NRXN1: variants seen among roughly 807,000 people sequenced by gnomAD.
NRXN1 encodes neurexin 1.
Under a neutral mutation model 150.9 loss-of-function variants are expected in NRXN1, and 39 were observed. The observed-to-expected ratio is 0.26, with a 90% CI of 0.20 to 0.34. NRXN1 has a LOEUF of 0.34. Ranked by LOEUF, NRXN1 falls within the 10% of genes least tolerant of loss-of-function variation. NRXN1 has a pLI of 1.00. For missense variants in NRXN1, 1,815 were observed against 1,949.9 expected (o/e 0.93, Z 1.30); for synonymous variants, 924 against 757.0 (o/e 1.22, Z -3.62).
chr2:50,521,234 C>T (rs937654693), intron 12 of NRXN1, among the ~76,000 whole-genome samples: 3 of 152,078 alleles, frequency 2.0e-5, no homozygotes, highest in Admixed American at 2.0e-4. Flanking sequence ...GCAATTTTAA[C>T]CATAACATTT....
At position 50,538,496 on chromosome 2, in the gene NRXN1, C is replaced by A. The variant is rs957137776; in HGVS notation, c.1900G>T (p.Ala634Ser). ...GLVFPTEVWT[A>S]LLNYGYVGCI... ...CCCACGTAGCCATAGTTGAGCAGAG[C>A]AGTCCACACCTCGGTGGGGAAGACA... Residue 634 changes from alanine to serine, a missense_variant, in exon 10 of 23, where the codon GCT becomes TCT. By Grantham distance (99) the Ala-to-Ser change is moderately conservative (BLOSUM62 1). Transcript: ENST00000401669. The A allele has an allele frequency of 1.2e-6, 2 of 1,610,246 alleles. No homozygotes were observed. Among genetic ancestry groups the A allele is most frequent in the Non-Finnish European group, 1.7e-6 (2 of 1,176,946 alleles).
chr2:50,733,853 G>A lies in NRXN1; in HGVS notation c.833-110238C>T, dbSNP rs181951194. On this transcript the variant is annotated intron_variant, in intron 5 of 22. Transcript: ENST00000401669. ...CAAAGATTATAGTTTTAATCTGTAC[G>A]TAAAATGTATTTTTTAAATCTTCTA... Among the ~76,000 whole-genome samples the A allele has an allele frequency of 2.7e-4, 41 of 152,200 alleles. No individual in the cohort carries two copies. In the East Asian group the frequency reaches 4.8e-3, roughly 18 times the overall value.
In NRXN1 at chr2:50,700,992, A is replaced by C. The variant is rs570823082; in HGVS notation, c.833-77377T>G. On this transcript the variant is annotated intron_variant, in intron 5 of 22. Transcript: ENST00000401669. The stretch of plus-strand genomic sequence containing the variant: ...GGGATCAAGATTTTTAAAATCTCTT[A>C]AATTGTCCGAAGGGTGCTTCTTCCA... Among the ~76,000 whole-genome samples, 749 of 152,162 alleles carry C rather than the reference A, an allele frequency of 4.9e-3. 8 individuals are homozygous for C. The highest frequency in any genetic ancestry group is 0.017 in the African/African-American group (721 of 41,534).
intron 2 of NRXN1, among the ~76,000 whole-genome samples, chr2:50,931,461 ATTAT>A (rs1299781071): frequency 6.6e-6 from 1 of 152,138 alleles, no homozygotes; most frequent in Non-Finnish European, 1.5e-5. Context: ...AGAAAATAAA[ATTAT>A]TTATATGATA....
At chr2:50,845,642 A>G (rs868416604) in intron 5 of NRXN1, among the ~76,000 whole-genome samples, 33 of 152,184 alleles carry the variant, frequency 2.2e-4, no homozygotes, top group Middle Eastern at 3.2e-3. Flanking sequence ...TCTACTGCCT[A>G]GAGTGGTACC....
chr2:50,261,060 C>T (rs1028951039), intron 17 of NRXN1, among the ~76,000 whole-genome samples: 1 of 151,674 alleles, frequency 6.6e-6, no homozygotes, highest in Non-Finnish European at 1.5e-5. Flanking sequence ...CCAACATTTC[C>T]CCCCAGATTG....
At chr2:50,373,294 T>A (rs3081368) in intron 17 of NRXN1, among the ~76,000 whole-genome samples, 7,921 of 140,284 alleles carry the variant, frequency 0.056, 291 homozygotes, top group East Asian at 0.11. Context: ...TATTTTATTT[T>A]TTATTATTAT....
chr2:50,640,132 A>T (rs1052360009), intron 5 of NRXN1, among the ~76,000 whole-genome samples: 4 of 152,180 alleles, frequency 2.6e-5, no homozygotes, highest in African/African-American at 7.2e-5. Flanking sequence ...AAAGAGCATT[A>T]AAAAATAGCA....
intron 5 of NRXN1, among the ~76,000 whole-genome samples, chr2:50,742,651 T>C (rs1397371467): frequency 6.6e-6 from 1 of 151,910 alleles, no homozygotes; most frequent in African/African-American, 2.4e-5. Context: ...TCTATATGAT[T>C]ATAGGCAAAT....
intron 2 of NRXN1, among the ~76,000 whole-genome samples, chr2:50,944,734 C>T (rs113810344): frequency 0.02 from 3,093 of 152,170 alleles, 112 homozygotes; most frequent in African/African-American, 0.069. Context: ...CCTGTTTATG[C>T]CTGTACTGCA....
chr2:50,696,529 T>C (rs1221708710), intron 5 of NRXN1, among the ~76,000 whole-genome samples: 3 of 152,094 alleles, frequency 2.0e-5, no homozygotes, highest in Non-Finnish European at 4.4e-5. Context: ...GCCAAGGCAA[T>C]GGGGTGAAGC....
At chr2:50,103,697 T>G (rs1573930464) in intron 18 of NRXN1, among the ~76,000 whole-genome samples, 1 of 152,032 alleles carries the variant, frequency 6.6e-6, no homozygotes, top group Non-Finnish European at 1.5e-5. Flanking sequence ...AAAGTTCACT[T>G]GTAACTTCTC....
chr2:50,601,477 A>C (rs1676264155), intron 8 of NRXN1, among the ~76,000 whole-genome samples: 1 of 152,222 alleles, frequency 6.6e-6, no homozygotes, highest in African/African-American at 2.4e-5. Context: ...ATCACAATTG[A>C]TTATTCAAAT....
intron 5 of NRXN1, among the ~76,000 whole-genome samples, chr2:50,859,834 ATGTTTGTG>A (rs1675854266): frequency 2.3e-5 from 2 of 87,942 alleles, no homozygotes; most frequent in Non-Finnish European, 5.4e-5. Flanking sequence ...ACACACAATT[ATGTTTGTG>A]TGTGTGTGTG....
At chr2:49,983,270 A>G (rs7596020) in intron 21 of NRXN1, among the ~76,000 whole-genome samples, 129,667 of 152,150 alleles carry the variant, frequency 0.85, 55,311 homozygotes, top group Middle Eastern at 0.89. Context: ...TCTTTGGAAC[A>G]TCAGCTTCTA....
intron 5 of NRXN1, among the ~76,000 whole-genome samples, chr2:50,780,116 C>G (rs1353350157): frequency 1.3e-5 from 2 of 152,136 alleles, no homozygotes; most frequent in Admixed American, 6.5e-5. Flanking sequence ...CTCTAATGAC[C>G]AGCGATGATT....
intron 8 of NRXN1, among the ~76,000 whole-genome samples, chr2:50,574,590 C>G (rs1031569336): frequency 8.5e-5 from 13 of 152,132 alleles, no homozygotes; most frequent in African/African-American, 3.1e-4. Context: ...TCTAAGGTCT[C>G]CTAACGTCTA....
At chr2:51,001,210 CG>C (rs1339360426) in intron 2 of NRXN1, among the ~76,000 whole-genome samples, 1 of 103,434 alleles carries the variant, frequency 9.7e-6, no homozygotes. Flanking sequence ...CAACCACATA[CG>C]TACAATGGTA....
intron 5 of NRXN1, among the ~76,000 whole-genome samples, chr2:50,630,096 C>T (rs1681991549): frequency 6.6e-6 from 1 of 151,644 alleles, no homozygotes; most frequent in South Asian, 2.1e-4. Context: ...CATGGGATTT[C>T]AGTCCCATTC....
Sources: allele counts gnomAD v4.1 joint callset (sites outside exome capture counted in the v4.1 genomes callset), GRCh38; gene constraint gnomAD v4.1.1; transcripts MANE v1.5; gene names NCBI Gene and HGNC (gene_info 2026-07-23, HGNC 2026-07-21).